Variants in KCNQ2 observed in about 807,000 individuals in gnomAD.
KCNQ2 encodes potassium voltage-gated channel subfamily KQT member 2.
KCNQ2 carries 14 observed loss-of-function variants against 84.8 expected under a neutral mutation model. The ratio of observed to expected loss-of-function variants is 0.17; its 90% CI spans 0.11 to 0.26. KCNQ2 has a LOEUF of 0.26. KCNQ2 is among the 10% of genes least tolerant of loss of function. KCNQ2 has a pLI of 1.00. For synonymous variants in KCNQ2, 599 were observed against 554.1 expected (o/e 1.08, Z -1.14); for missense variants, 788 against 1,254.0 (o/e 0.63, Z 5.61).
chr20:63,411,344 G>A (rs2080115216), intron 15 of KCNQ2, among the ~76,000 whole-genome samples: 1 of 152,236 alleles, frequency 6.6e-6, no homozygotes. Flanking sequence ...CAGTGGGCAG[G>A]TGCTGAGGGG....
At chr20:63,441,423 C>G (rs2081159581) in intron 5 of KCNQ2, among the ~76,000 whole-genome samples, 1 of 152,160 alleles carries the variant, frequency 6.6e-6, no homozygotes, top group Non-Finnish European at 1.5e-5. Flanking sequence ...GCACCGCGGC[C>G]ACAGAGTGGG....
intron 1 of KCNQ2, among the ~76,000 whole-genome samples, chr20:63,465,139 G>C (rs73619480): frequency 1.8e-4 from 27 of 152,234 alleles, no homozygotes; most frequent in African/African-American, 6.3e-4. Context: ...CCAGACCTCA[G>C]AGCACTCCCA....
At chr20:63,416,222 G>T (rs13040636) in intron 12 of KCNQ2, among the ~76,000 whole-genome samples, 1 of 152,168 alleles carries the variant, frequency 6.6e-6, no homozygotes, top group African/African-American at 2.4e-5. Flanking sequence ...CCTGCGAGGC[G>T]TGAAGCAGGA....
intron 5 of KCNQ2, among the ~76,000 whole-genome samples, chr20:63,441,372 A>G (rs1278281321): frequency 6.6e-6 from 1 of 152,084 alleles, no homozygotes; most frequent in Non-Finnish European, 1.5e-5. Flanking sequence ...AGAAAAACAC[A>G]GAAGCAGCCG....
At position 63,414,252 on chromosome 20, in the gene KCNQ2, G is replaced by A; in HGVS notation, c.1526-59C>T. ...GGGGGCCGGGAGACCTATTCCCGGG[G>A]TCCTGCAGGGCACACCGGCTAGACA... is the stretch of plus-strand genomic sequence containing the variant. On this transcript the variant is annotated intron_variant, in intron 13 of 16. Transcript: ENST00000359125. The surrounding 1 kb of genome is among the most constrained non-coding windows in gnomAD (Gnocchi z 6.6). The A allele has an allele frequency of 8.0e-7, 1 of 1,252,554 alleles. No individual in the cohort carries two copies. 77.6% of individuals were successfully genotyped at this position (1,252,554 alleles called of 1,614,324 possible). A position where few individuals can be genotyped will look rare whatever the true frequency, so the allele number is the denominator to read the frequency against.
intron 15 of KCNQ2, 191 bp downstream of exon 15, chr20:63,413,259 G>C (rs1568874667): frequency 1.5e-6 from 1 of 647,094 alleles, no homozygotes; most frequent in East Asian, 2.8e-5. Flanking sequence ...ATGGGGGAGA[G>C]ATGGGAGAGA....
chr20:63,462,373 ACC>A (rs1249406968), intron 1 of KCNQ2, among the ~76,000 whole-genome samples: 10 of 150,676 alleles, frequency 6.6e-5, no homozygotes, highest in African/African-American at 2.5e-4. Context: ...AGGAGGCGGC[ACC>A]TACCCCAGGC....
intron 1 of KCNQ2, among the ~76,000 whole-genome samples, chr20:63,471,404 A>AG (rs1162084679): frequency 3.3e-5 from 5 of 152,164 alleles, no homozygotes; most frequent in African/African-American, 1.2e-4. Context: ...GCCCGGGAAG[A>AG]GGGGACAGCC....
chr20:63,453,345 C>G (rs992751999), intron 1 of KCNQ2, among the ~76,000 whole-genome samples: 1 of 152,212 alleles, frequency 6.6e-6, no homozygotes, highest in East Asian at 1.9e-4. Flanking sequence ...GCAGTGGTGC[C>G]GAGGCCCAGG....
At chr20:63,413,187 GCACA>G in intron 15 of KCNQ2, 1 of 525,560 alleles carries the variant, frequency 1.9e-6, no homozygotes, top group Non-Finnish European at 3.6e-6. Flanking sequence ...ACACACACAT[GCACA>G]CACACATTTT....
chr20:63,404,479 C>CCACTGCCAGGTCTCCCTT lies in KCNQ2; in HGVS notation c.*2147_*2164dup, dbSNP rs1404983180. Reference sequence around the variant, plus strand: ...GGGGGACACACAGCACAGCCTCCCTCCACTGCCAGGTCTCCCTTCTCCAGG... The same window carrying CCACTGCCAGGTCTCCCTT: ...GGGGGACACACAGCACAGCCTCCCTCCACTGCCAGGTCTCCCTTCACTGCCAGGTCTCCCTTCTCCAGG... On this transcript the variant is annotated 3_prime_UTR_variant, in exon 17 of 17. Transcript: ENST00000359125. 1.3e-5 allele frequency: 2 copies of CCACTGCCAGGTCTCCCTT among 152,312 alleles called. No homozygotes were observed. Among genetic ancestry groups the CCACTGCCAGGTCTCCCTT allele is most frequent in the Middle Eastern group, 3.2e-3 (1 of 316 alleles). 9.4% of individuals were successfully genotyped at this position (152,312 alleles called of 1,614,324 possible). A position where few individuals can be genotyped will look rare whatever the true frequency, so the allele number is the denominator to read the frequency against.
At chr20:63,441,328 A>G (rs1421149462) in intron 5 of KCNQ2, among the ~76,000 whole-genome samples, 2 of 151,584 alleles carry the variant, frequency 1.3e-5, no homozygotes, top group South Asian at 2.1e-4. Flanking sequence ...CAGCATCCCT[A>G]TTTGCTATTT....
chr20:63,459,526 A>G (rs1369509074), intron 1 of KCNQ2: 1 of 152,206 alleles, frequency 6.6e-6, no homozygotes, highest in Non-Finnish European at 1.5e-5. Context: ...AATAAATTAA[A>G]TAAAATAAAA....
intron 1 of KCNQ2, among the ~76,000 whole-genome samples, chr20:63,452,301 C>T (rs904200230): frequency 1.3e-5 from 2 of 152,262 alleles, no homozygotes; most frequent in African/African-American, 2.4e-5. Context: ...AGCTGTAATC[C>T]AGTGCCTGCC....
chr20:63,472,179 G>A lies in KCNQ2; in HGVS notation c.285C>T (p.Tyr95=). The change falls in exon 1 of 17, where the codon TAC becomes TAT. Residue 95 remains tyrosine (Y), a synonymous_variant. Coordinates refer to ENST00000359125, the MANE Select transcript of KCNQ2 (RefSeq NM_172107.4). ...CGCCGGCCACTCACACGTAGGCGTG[G>A]TAGATGAACGCCCAGCCGCGCGGCC... is the stretch of plus-strand genomic sequence containing the variant. ...LERPRGWAFI[Y]HAYVFLLVFS... 1 of 1,530,832 alleles carries A rather than the reference G, an allele frequency of 6.5e-7. No individual in the cohort carries two copies. Among genetic ancestry groups the A allele is most frequent in the Non-Finnish European group, 8.8e-7 (1 of 1,139,812 alleles). 94.8% of individuals were successfully genotyped at this position (1,530,832 alleles called of 1,614,324 possible).
intron 15 of KCNQ2, among the ~76,000 whole-genome samples, chr20:63,409,391 AAGAAGGG>A (rs1325406260): frequency 6.6e-6 from 1 of 152,220 alleles, no homozygotes; most frequent in Non-Finnish European, 1.5e-5. Context: ...TCATGACAAT[AAGAAGGG>A]AGGGAGGCTC....
In KCNQ2 at chr20:63,414,398, C is replaced by A. The variant is rs2080221485; in HGVS notation, c.1526-205G>T. Reference sequence around the variant, plus strand: ...CAGGACCTTCCCCGGCAGGCTGTGGCCACAGGGAGTGGCCGATATGGGGCG... The same window carrying A: ...CAGGACCTTCCCCGGCAGGCTGTGGACACAGGGAGTGGCCGATATGGGGCG... On this transcript the variant is annotated intron_variant, in intron 13 of 16. Transcript: ENST00000359125. The surrounding 1 kb of genome is among the most constrained non-coding windows in gnomAD (Gnocchi z 6.6). 6.6e-6 allele frequency among the ~76,000 whole-genome samples: 1 copy of A among 152,178 alleles called. No homozygotes were observed. Among genetic ancestry groups the A allele is most frequent in the Non-Finnish European group, 1.5e-5 (1 of 68,044 alleles).
At chr20:63,432,679 C>T (rs2080854174) in intron 8 of KCNQ2, among the ~76,000 whole-genome samples, 2 of 148,774 alleles carry the variant, frequency 1.3e-5, no homozygotes, top group South Asian at 4.2e-4. Flanking sequence ...GAAGGCCCCA[C>T]CCTCAGGGAA....
Position 63,425,929 on chromosome 20 carries a change from G to A in KCNQ2, c.1218-1723C>T, listed in dbSNP as rs2080616787. Among the ~76,000 whole-genome samples, 1 of 152,214 alleles carries A rather than the reference G, an allele frequency of 6.6e-6. No homozygotes were observed. Among genetic ancestry groups the A allele is most frequent in the Non-Finnish European group, 1.5e-5 (1 of 68,038 alleles). On this transcript the variant is annotated intron_variant, in intron 10 of 16. Transcript: ENST00000359125. This position sits in a 1 kb window ranked among gnomAD's most constrained non-coding sequence, Gnocchi z 5.5. ...ACAGCTCTTCCCACTCAAAAAGGGA[G>A]AATGACAGAGGGGCCGCCGGCCACC...
Sources: allele counts gnomAD v4.1 joint callset (sites outside exome capture counted in the v4.1 genomes callset), GRCh38; gene constraint gnomAD v4.1.1; non-coding constraint Gnocchi (gnomAD v3.1); transcripts MANE v1.5; gene names NCBI Gene and HGNC (gene_info 2026-07-23, HGNC 2026-07-21).